The following EFCAB11 variants were observed in gnomAD, a reference collection of about 807,000 sequenced individuals.
EFCAB11 encodes the protein EF-hand calcium-binding domain-containing protein 11.
Under a neutral mutation model 23.0 loss-of-function variants are expected in EFCAB11, and 14 were observed. The observed-to-expected ratio is 0.61, with a 90% confidence interval of 0.40 to 0.95. EFCAB11 has a LOEUF of 0.95. EFCAB11 is among the 40% of genes least tolerant of loss of function. The pLI is 0.00. For synonymous variants in EFCAB11, 65 were observed against 66.6 expected, an observed-to-expected ratio of 0.98 and a Z score of 0.11; for missense variants, 198 against 195.8, an observed-to-expected ratio of 1.01 and a Z score of -0.07.
chr14:89,812,904 T>A (rs571607180), intron 5 of EFCAB11, among the ~76,000 whole-genome samples: 2 of 152,072 alleles, frequency 1.3e-5, no homozygotes, highest in African/African-American at 4.8e-5. Flanking sequence ...TTTGAATACA[T>A]GAAAACTTAA....
intron 5 of EFCAB11, among the ~76,000 whole-genome samples, chr14:89,925,496 T>C (rs1032293123): frequency 4.6e-5 from 7 of 152,198 alleles, no homozygotes; most frequent in Admixed American, 6.5e-5. Context: ...CAAACAGTAC[T>C]ATAGTACAAA....
At chr14:89,800,343 G>T (rs1267996905) in intron 5 of EFCAB11, among the ~76,000 whole-genome samples, 1 of 152,188 alleles carries the variant, frequency 6.6e-6, no homozygotes, top group Non-Finnish European at 1.5e-5. Context: ...GACCACATGA[G>T]AGACAAGCTG....
chr14:89,856,716 G>A (rs565601813), intron 5 of EFCAB11, among the ~76,000 whole-genome samples: 24 of 152,214 alleles, frequency 1.6e-4, no homozygotes, highest in African/African-American at 5.3e-4. Context: ...GTACCTGTTG[G>A]TCATTTTTAT....
chr14:89,910,010 G>C (rs1889623843), intron 5 of EFCAB11, among the ~76,000 whole-genome samples: 1 of 152,116 alleles, frequency 6.6e-6, no homozygotes, highest in South Asian at 2.1e-4. Context: ...CATCTTTCAG[G>C]ATTAACCATC....
At chr14:89,944,609 C>G (rs1223402839) in intron 3 of EFCAB11, among the ~76,000 whole-genome samples, 5 of 152,084 alleles carry the variant, frequency 3.3e-5, no homozygotes, top group Admixed American at 2.6e-4. Context: ...TTGGAATATT[C>G]ACAAAAAACC....
intron 3 of EFCAB11, among the ~76,000 whole-genome samples, chr14:89,943,006 TAA>T (rs1174145685): frequency 6.6e-6 from 1 of 152,150 alleles, no homozygotes; most frequent in African/African-American, 2.4e-5. Context: ...TGGCCCTTCC[TAA>T]AAGCAGCTGA....
At chr14:89,842,632 G>GATATA (rs869060687) in intron 5 of EFCAB11, among the ~76,000 whole-genome samples, 14 of 21,152 alleles carry the variant, frequency 6.6e-4, no homozygotes, top group Admixed American at 2.6e-3. Context: ...GATATGATAT[G>GATATA]ATATGATATA....
intron 5 of EFCAB11, among the ~76,000 whole-genome samples, chr14:89,825,621 A>G (rs2140107108): frequency 6.6e-6 from 1 of 152,334 alleles, no homozygotes; most frequent in South Asian, 2.1e-4. Flanking sequence ...CAAATCACCT[A>G]TATCACAACT....
intron 3 of EFCAB11, among the ~76,000 whole-genome samples, chr14:89,947,018 A>T (rs181866136): frequency 1.6e-4 from 25 of 152,324 alleles, no homozygotes; most frequent in Admixed American, 1.2e-3. Flanking sequence ...ATAGATGATA[A>T]ATCAGATAAA....
intron 5 of EFCAB11, among the ~76,000 whole-genome samples, chr14:89,927,975 G>A (rs1042490622): frequency 1.3e-5 from 2 of 152,084 alleles, no homozygotes; most frequent in East Asian, 1.9e-4. Flanking sequence ...CGCCCGCCTC[G>A]GCCTCCCAAA....
intron 1 of EFCAB11, 46 bp from the exon 2 acceptor site, chr14:89,954,047 ATTTTT>A: frequency 6.6e-7 from 1 of 1,519,264 alleles, no homozygotes; most frequent in Non-Finnish European, 9.1e-7. Context: ...GAAATGGTTT[ATTTTT>A]ATTACTAGTT....
intron 5 of EFCAB11, chr14:89,830,040 G>A (rs991547651): frequency 6.6e-6 from 1 of 152,024 alleles, no homozygotes; most frequent in African/African-American, 2.4e-5. Flanking sequence ...ACTGAAAATT[G>A]CTCTAAAATC....
At chr14:89,884,586 A>G (rs1888696315) in intron 5 of EFCAB11, among the ~76,000 whole-genome samples, 1 of 152,248 alleles carries the variant, frequency 6.6e-6, no homozygotes, top group Non-Finnish European at 1.5e-5. Context: ...AATCAATGAC[A>G]TAAGAATTGG....
intron 5 of EFCAB11, among the ~76,000 whole-genome samples, chr14:89,920,090 T>C (rs1889974649): frequency 6.6e-6 from 1 of 152,238 alleles, no homozygotes; most frequent in African/African-American, 2.4e-5. Context: ...TTATAATTTA[T>C]TTGGCAAATC....
intron 5 of EFCAB11, among the ~76,000 whole-genome samples, chr14:89,818,097 T>G (rs548276205): frequency 6.6e-6 from 1 of 152,290 alleles, no homozygotes; most frequent in African/African-American, 2.4e-5. Flanking sequence ...TGATAAATAT[T>G]ATATGTAAAT....
At chr14:89,950,001 A>C (rs1186027020) in intron 3 of EFCAB11, 96 bp downstream of exon 3, 1 of 1,325,002 alleles carries the variant, frequency 7.5e-7, no homozygotes, top group East Asian at 2.7e-5. Context: ...CTTCCACAAC[A>C]CATAGGAATT....
chr14:89,896,279 TCACAGGAGGCCGAGGCAGGAG>T lies in EFCAB11; in HGVS notation c.410+35241_410+35261del, dbSNP rs148228584. 6.9e-3 allele frequency among the ~76,000 whole-genome samples: 1,042 copies of T among 151,952 alleles called. 15 individuals carry two copies. The East Asian group carries it at 0.086, about 13-fold the overall frequency. ...GACCCCTGTAGTCCCAGCTACTCACTCACAGGAGGCCGAGGCAGGAGAACGGCGTGAACCCGGGAGGCGGAG... is the reference window on the plus strand; with the variant it reads ...GACCCCTGTAGTCCCAGCTACTCACTAACGGCGTGAACCCGGGAGGCGGAG... On this transcript the variant is annotated intron_variant, in intron 5 of 5. Coordinates refer to ENST00000316738, the MANE Select transcript of EFCAB11 (RefSeq NM_145231.4).
chr14:89,870,355 G>C (rs557592214), intron 5 of EFCAB11, among the ~76,000 whole-genome samples: 2 of 152,286 alleles, frequency 1.3e-5, no homozygotes, highest in East Asian at 3.9e-4. Flanking sequence ...TGGGGAGATA[G>C]ACCATTTTCC....
Position 89,798,899 on chromosome 14 carries a change from A to C in EFCAB11, c.411-1575T>G, listed in dbSNP as rs1359090820. Among the ~76,000 whole-genome samples the C allele has an allele frequency of 2.6e-5, 4 of 152,040 alleles. 1 individual carries two copies. Among genetic ancestry groups the C allele is most frequent in the African/African-American group, 9.7e-5 (4 of 41,400 alleles). ...CCTCTCCGGCTCAAGCAATCTTCCC[A>C]CCTCAGCCTCCTGAGTAGCTAAGAC... is the stretch of plus-strand genomic sequence containing the variant. On this transcript the variant is annotated intron_variant, in intron 5 of 5. Transcript: ENST00000316738.
Sources: gnomAD v4.1 joint callset for allele counts (sites outside exome capture counted in the v4.1 genomes callset) on GRCh38, gnomAD v4.1.1 for gene constraint, MANE v1.5 for transcripts, NCBI Gene and HGNC (gene_info 2026-07-23, HGNC 2026-07-21) for gene names.